The following RSPO2 variants were observed in gnomAD, a reference collection of about 807,000 sequenced individuals.
RSPO2 encodes the protein R-spondin 2, also known as R-spondin-2.
A neutral mutation model predicts 30.9 loss-of-function variants in RSPO2; 14 were observed. That is an observed-to-expected ratio of 0.45 (90% confidence interval 0.30 to 0.71). RSPO2 has a LOEUF of 0.71. Ranked by LOEUF, RSPO2 falls within the 30% of genes least tolerant of loss-of-function variation. RSPO2 has a pLI of 0.08. For synonymous variants in RSPO2, 107 were observed against 96.4 expected (o/e 1.11, Z -0.64); for missense variants, 264 against 301.9 (o/e 0.87, Z 0.93).
At chr8:107,938,325 C>T (rs1436162265) in intron 5 of RSPO2, among the ~76,000 whole-genome samples, 1 of 152,046 alleles carries the variant, frequency 6.6e-6, no homozygotes, top group African/African-American at 2.4e-5. Flanking sequence ...CTTCAGCCTC[C>T]CTCCTTCAAA....
intron 5 of RSPO2, among the ~76,000 whole-genome samples, chr8:107,925,460 T>A (rs1280082472): frequency 6.6e-6 from 1 of 152,024 alleles, no homozygotes; most frequent in East Asian, 1.9e-4. Context: ...AACGTGCAGG[T>A]TTGTTACATA....
intron 2 of RSPO2, among the ~76,000 whole-genome samples, chr8:108,025,083 G>C (rs1019779092): frequency 6.6e-6 from 1 of 152,094 alleles, no homozygotes; most frequent in African/African-American, 2.4e-5. Context: ...ATTTATAAGT[G>C]TATATATGTA....
intron 2 of RSPO2, among the ~76,000 whole-genome samples, chr8:107,998,199 A>AG (rs1466190064): frequency 6.7e-6 from 1 of 149,746 alleles, no homozygotes; most frequent in East Asian, 1.9e-4. Context: ...TTAAGGAAGA[A>AG]AAAAAAAAAC....
chr8:108,049,252 G>A (rs912099000), intron 2 of RSPO2, among the ~76,000 whole-genome samples: 2 of 151,706 alleles, frequency 1.3e-5, no homozygotes, highest in Admixed American at 6.6e-5. Flanking sequence ...TATAATAAAA[G>A]AATAAAATAA....
At chr8:108,019,977 G>T (rs531363051) in intron 2 of RSPO2, among the ~76,000 whole-genome samples, 6 of 151,286 alleles carry the variant, frequency 4.0e-5, no homozygotes, top group Non-Finnish European at 8.8e-5. Flanking sequence ...AAAAAATACT[G>T]TTTTCCCAGA....
At chr8:108,063,256 T>G (rs996817449) in intron 2 of RSPO2, among the ~76,000 whole-genome samples, 1 of 151,846 alleles carries the variant, frequency 6.6e-6, no homozygotes, top group Non-Finnish European at 1.5e-5. Flanking sequence ...CGTTTGAAGA[T>G]GACATGATTG....
intron 5 of RSPO2, among the ~76,000 whole-genome samples, chr8:107,932,064 A>T (rs1461276691): frequency 6.6e-6 from 1 of 152,206 alleles, no homozygotes; most frequent in Non-Finnish European, 1.5e-5. Context: ...CATGATAAAT[A>T]TAGGTGCGTA....
intron 3 of RSPO2, among the ~76,000 whole-genome samples, chr8:107,968,273 T>C (rs561783970): frequency 7.2e-5 from 11 of 152,106 alleles, no homozygotes; most frequent in Non-Finnish European, 1.3e-4. Context: ...GCTATAAAAC[T>C]AGAATGAAAT....
intron 2 of RSPO2, among the ~76,000 whole-genome samples, chr8:108,035,081 G>A (rs1021647330): frequency 2.0e-5 from 3 of 152,140 alleles, no homozygotes; most frequent in African/African-American, 7.2e-5. Flanking sequence ...AAAAAGAGCT[G>A]GGGAACAGAG....
At chr8:108,068,801 AAG>A (rs1435142328) in intron 2 of RSPO2, among the ~76,000 whole-genome samples, 1 of 152,224 alleles carries the variant, frequency 6.6e-6, no homozygotes, top group Non-Finnish European at 1.5e-5. Context: ...CAGAGGCTGG[AAG>A]AAACAAGGAA....
At chr8:108,028,266 T>G (rs566025605) in intron 2 of RSPO2, among the ~76,000 whole-genome samples, 1 of 152,270 alleles carries the variant, frequency 6.6e-6, no homozygotes, top group East Asian at 1.9e-4. Flanking sequence ...CCCCCTCACC[T>G]CACATATCCA....
chr8:108,041,085 G>A lies in RSPO2; in HGVS notation c.94+41460C>T, dbSNP rs983058640. 1.1e-4 allele frequency among the ~76,000 whole-genome samples: 17 copies of A among 152,024 alleles called. 1 individual carries two copies. Among genetic ancestry groups the A allele is most frequent in the Admixed American group, 3.9e-4 (6 of 15,244 alleles). ...GCTTTCCAGCATCAAAGGAAAATGC[G>A]GGGCTTGTCTAGAGAGATTTGAAAG... is the stretch of plus-strand genomic sequence containing the variant. On this transcript the variant is annotated intron_variant, in intron 2 of 5. Coordinates refer to ENST00000276659, the MANE Select transcript of RSPO2 (RefSeq NM_178565.5).
At chr8:108,059,003 C>A (rs1435875211) in intron 2 of RSPO2, among the ~76,000 whole-genome samples, 1 of 151,770 alleles carries the variant, frequency 6.6e-6, no homozygotes, top group Non-Finnish European at 1.5e-5. Context: ...CAAATGGGAT[C>A]TAATTAAACT....
chr8:107,981,385 G>A (rs951360587), intron 3 of RSPO2, among the ~76,000 whole-genome samples: 3 of 151,856 alleles, frequency 2.0e-5, no homozygotes, highest in African/African-American at 4.8e-5. Flanking sequence ...GCCAGGCATC[G>A]TGGCGTGCGC....
At chr8:108,023,795 T>C (rs1048889975) in intron 2 of RSPO2, among the ~76,000 whole-genome samples, 5 of 152,114 alleles carry the variant, frequency 3.3e-5, no homozygotes, top group Non-Finnish European at 7.4e-5. Context: ...TTTGGAGAAG[T>C]AGATGGCCAG....
chr8:107,937,153 TG>T (rs1223740197), intron 5 of RSPO2, among the ~76,000 whole-genome samples: 6 of 112,786 alleles, frequency 5.3e-5, no homozygotes, highest in Middle Eastern at 4.6e-3. Context: ...CATCTTCAGT[TG>T]TTTTTTTTTT....
At chr8:108,043,572 T>C (rs1811817944) in intron 2 of RSPO2, among the ~76,000 whole-genome samples, 1 of 147,900 alleles carries the variant, frequency 6.8e-6, no homozygotes, top group African/African-American at 2.6e-5. Context: ...TTTTTACTCA[T>C]ATACTTTGGG....
At chr8:107,918,322 T>C (rs1311357092) in intron 5 of RSPO2, among the ~76,000 whole-genome samples, 5 of 152,298 alleles carry the variant, frequency 3.3e-5, no homozygotes, top group Non-Finnish European at 5.9e-5. Context: ...TTTATGGCGG[T>C]GTAGTTGTTT....
At chr8:108,055,478 T>C (rs1475069056) in intron 2 of RSPO2, among the ~76,000 whole-genome samples, 1 of 152,108 alleles carries the variant, frequency 6.6e-6, no homozygotes, top group Non-Finnish European at 1.5e-5. Flanking sequence ...TTGGCTGTCC[T>C]AAGGAGAATG....
Sources: gnomAD v4.1 joint callset for allele counts (sites outside exome capture counted in the v4.1 genomes callset) on GRCh38, gnomAD v4.1.1 for gene constraint, MANE v1.5 for transcripts, NCBI Gene and HGNC (gene_info 2026-07-23, HGNC 2026-07-21) for gene names.